The following DNAH11 variants were observed in gnomAD, a reference collection of about 807,000 sequenced individuals.
The protein encoded by DNAH11 is dynein axonemal heavy chain 11, also known as axonemal beta dynein heavy chain 11.
In DNAH11, 442 loss-of-function variants were observed where a neutral mutation model predicts 526.0. The observed-to-expected ratio is 0.84, with a 90% CI of 0.78 to 0.91. DNAH11 has a LOEUF of 0.91. DNAH11 is among the 40% of genes least tolerant of loss of function. The probability of loss-of-function intolerance (pLI) is 0.00; values close to 1 mark genes in which losing one functional copy is unlikely to be tolerated. For synonymous variants in DNAH11, 2,461 were observed against 1,935.9 expected, an observed-to-expected ratio of 1.27 and a Z score of -7.12; for missense variants, 6,989 against 5,448.7, an observed-to-expected ratio of 1.28 and a Z score of -8.90.
Position 21,719,981 on chromosome 7 carries a change from C to T in DNAH11, c.7135-744C>T, listed in dbSNP as rs75897807. On this transcript the variant is annotated intron_variant, in intron 43 of 81. Transcript: ENST00000409508. ...ACATGGTGAAGGCCTCTGCAGCAGC[C>T]GCATTCCCCTCATTGCTGGCGCAAC... Among the ~76,000 whole-genome samples the T allele has an allele frequency of 9.9e-3, 1,509 of 152,340 alleles. 33 individuals are homozygous for T. Among genetic ancestry groups the T allele is most frequent in the African/African-American group, 0.034 (1,421 of 41,566 alleles).
At position 21,901,120 on chromosome 7, in the gene DNAH11, A is replaced by G. The variant is rs749959011; in HGVS notation, c.13417A>G (p.Lys4473Glu). ...KATPVDRQET[K>E]QTYECPVYRT... ...CACCCCCGTGGACAGACAAGAAACCAAACAGACCTACGAGTGCCCTGTGTA... is the reference window on the plus strand; with the variant it reads ...CACCCCCGTGGACAGACAAGAAACCGAACAGACCTACGAGTGCCCTGTGTA... The change falls in exon 82 of 82, where the codon AAA becomes GAA. Residue 4473 changes from lysine to glutamate, a missense_variant. Coordinates refer to ENST00000409508, the MANE Select transcript of DNAH11 (RefSeq NM_001277115.2). 6.2e-7 allele frequency: 1 copy of G among 1,613,926 alleles called. No individual in the cohort carries two copies. Among genetic ancestry groups the G allele is most frequent in the South Asian group, 1.1e-5 (1 of 91,070 alleles).
At position 21,789,270 on chromosome 7, in the gene DNAH11, A is replaced by C. The variant is rs1420034908; in HGVS notation, c.9954A>C (p.Gln3318His). The stretch of plus-strand genomic sequence containing the variant: ...ACTGTGATGTGGAGCCAAAACGCCA[A>C]GCATTAGCCCAAGCAAACTTAGAAC... ...EVYCDVEPKR[Q>H]ALAQANLELA... The change falls in exon 61 of 82, where the codon CAA (glutamine) becomes CAC (histidine). Residue 3318 changes from glutamine to histidine, a missense_variant. Gln to His is a conservative substitution (Grantham distance 24). Transcript: ENST00000409508. 1 of 1,576,364 alleles carries C rather than the reference A, an allele frequency of 6.3e-7. No individual in the cohort carries two copies. The highest frequency in any genetic ancestry group is 8.6e-7 in the Non-Finnish European group (1 of 1,160,504).
intron 50 of DNAH11, 62 bp from the exon 51 acceptor site, chr7:21,744,808 G>C: frequency 6.5e-7 from 1 of 1,541,380 alleles, no homozygotes; most frequent in Non-Finnish European, 8.7e-7. Context: ...AGGCCATGCT[G>C]CCTGCAGCTG....
At chr7:21,619,273 G>T (rs1376713208) in intron 24 of DNAH11, 51 bp downstream of exon 24, 9 of 1,579,292 alleles carry the variant, frequency 5.7e-6, no homozygotes, top group South Asian at 1.2e-5. Flanking sequence ...TTGGGTATTT[G>T]CATAGAAGCC....
chr7:21,744,753 T>G, intron 50 of DNAH11, 117 bp from the exon 51 acceptor site: 1 of 1,425,738 alleles, frequency 7.0e-7, no homozygotes, highest in Non-Finnish European at 9.5e-7. Context: ...TTGGGAACAT[T>G]CCACCCACCT....
chr7:21,572,524 T>A (rs530161963), intron 8 of DNAH11, among the ~76,000 whole-genome samples: 191 of 152,200 alleles, frequency 1.3e-3, no homozygotes, highest in Admixed American at 2.2e-3. Context: ...GCCAGGGAGC[T>A]ACCTGTGAGC....
At chr7:21,544,329 T>G (rs977367058) in intron 1 of DNAH11, among the ~76,000 whole-genome samples, 8 of 152,218 alleles carry the variant, frequency 5.3e-5, no homozygotes, top group African/African-American at 1.9e-4. Context: ...GTGTGGTCAT[T>G]GTAATAGTTG....
At chr7:21,698,677 A>G (rs1041317467) in intron 36 of DNAH11, among the ~76,000 whole-genome samples, 15 of 152,202 alleles carry the variant, frequency 9.9e-5, no homozygotes, top group African/African-American at 3.6e-4. Context: ...GTAATATTCC[A>G]TGGTGTATAT....
Position 21,731,853 on chromosome 7 carries a change from G to A in DNAH11, c.7441-3787G>A, listed in dbSNP as rs532709505. On this transcript the variant is annotated intron_variant, in intron 45 of 81. Transcript: ENST00000409508. ...GATTGTTGTGTACTGCAATGCTTGC[G>A]TTCAAGTAACCCTTATTTTACATAA... is the stretch of plus-strand genomic sequence containing the variant. 1.9e-4 allele frequency among the ~76,000 whole-genome samples: 29 copies of A among 152,218 alleles called. No homozygotes were observed. The South Asian group carries it at 3.5e-3, about 18-fold the overall frequency.
At position 21,711,863 on chromosome 7, in the gene DNAH11, G is replaced by A. The variant is rs1784476796; in HGVS notation, c.6983+3G>A. 6.2e-7 allele frequency: 1 copy of A among 1,605,596 alleles called. No individual in the cohort carries two copies. Among genetic ancestry groups the A allele is most frequent in the South Asian group, 1.1e-5 (1 of 90,174 alleles). On this transcript the variant is annotated splice_donor_region_variant and intron_variant, in intron 42 of 81. Coordinates refer to ENST00000409508, the MANE Select transcript of DNAH11 (RefSeq NM_001277115.2). ...CCACAAGATCTGGGCTGGAATCCGT[G>A]AGTATTTCTTTTTGTTTTATTGTAG...
intron 76 of DNAH11, among the ~76,000 whole-genome samples, chr7:21,890,369 A>G (rs75914531): frequency 2.0e-4 from 30 of 152,316 alleles, no homozygotes; most frequent in African/African-American, 7.2e-4. Context: ...GCCATTTGCA[A>G]TCCCATCAGC....
Position 21,788,197 on chromosome 7 carries a change from T to C in DNAH11, c.9924+614T>C, listed in dbSNP as rs367574170. On this transcript the variant is annotated intron_variant, in intron 60 of 81. Transcript: ENST00000409508. ...ATCTAATAAGGGAACAATGCATGGC[T>C]CACAACTCTGAAGAACTCTCATTTT... Among the ~76,000 whole-genome samples the C allele has an allele frequency of 3.6e-4, 55 of 152,338 alleles. 1 individual carries two copies. The highest frequency in any genetic ancestry group is 1.2e-3 in the African/African-American group (49 of 41,584).
intron 30 of DNAH11, among the ~76,000 whole-genome samples, chr7:21,660,337 G>C (rs1007332981): frequency 1.3e-5 from 2 of 151,866 alleles, no homozygotes; most frequent in South Asian, 2.1e-4. Flanking sequence ...TTAAATTTCA[G>C]CTATCCTCAA....
At chr7:21,618,247 C>T (rs1562704857) in intron 23 of DNAH11, 1 of 153,016 alleles carries the variant, frequency 6.5e-6, no homozygotes, top group African/African-American at 2.4e-5. Context: ...CCCTGAAATC[C>T]ACTTGCTAGA....
chr7:21,883,949 G>T (rs1392652779), intron 75 of DNAH11, among the ~76,000 whole-genome samples: 5 of 152,136 alleles, frequency 3.3e-5, no homozygotes, highest in Non-Finnish European at 7.3e-5. Flanking sequence ...AGGCTGAGGC[G>T]AGAGGATTGC....
chr7:21,547,743 C>G (rs1270978829), intron 2 of DNAH11, among the ~76,000 whole-genome samples: 3 of 152,192 alleles, frequency 2.0e-5, no homozygotes, highest in Admixed American at 1.3e-4. Flanking sequence ...TTAGATTTAT[C>G]ATGCCTTGAA....
At chr7:21,557,083 C>T (rs1303404265) in intron 2 of DNAH11, among the ~76,000 whole-genome samples, 1 of 151,654 alleles carries the variant, frequency 6.6e-6, no homozygotes, top group Non-Finnish European at 1.5e-5. Flanking sequence ...AAAGTGAGAA[C>T]ATACAGTATT....
At chr7:21,762,274 T>G (rs773188247) in intron 54 of DNAH11, among the ~76,000 whole-genome samples, 6 of 152,196 alleles carry the variant, frequency 3.9e-5, no homozygotes, top group Non-Finnish European at 5.9e-5. Flanking sequence ...TTGCCTGAGG[T>G]TGAACAAATA....
intron 45 of DNAH11, among the ~76,000 whole-genome samples, chr7:21,730,089 A>G (rs1204065226): frequency 1.3e-5 from 2 of 152,228 alleles, no homozygotes; most frequent in Non-Finnish European, 2.9e-5. Flanking sequence ...CAAATTAAAA[A>G]TTGAGCTACC....
Sources: gnomAD v4.1 joint callset for allele counts (sites outside exome capture counted in the v4.1 genomes callset) on GRCh38, gnomAD v4.1.1 for gene constraint, MANE v1.5 for transcripts, NCBI Gene and HGNC (gene_info 2026-07-23, HGNC 2026-07-21) for gene names.